CTPS2: variants seen among roughly 807,000 people sequenced by gnomAD.
The protein encoded by CTPS2 is CTP synthase II.
In CTPS2, 19 loss-of-function variants were observed where a neutral mutation model predicts 46.8. That is an observed-to-expected ratio of 0.41 (90% CI 0.28 to 0.60). The LOEUF (loss-of-function observed/expected upper bound fraction) is 0.60. CTPS2 is among the 20% of genes least tolerant of loss of function. The pLI is 0.35. For synonymous variants in CTPS2, 151 were observed against 165.2 expected (o/e 0.91, Z 0.66); for missense variants, 286 against 447.6 (o/e 0.64, Z 3.26).
Position 16,664,591 on chromosome X carries a change from G to A in CTPS2, c.1296+2923C>T, listed in dbSNP as rs764480164. Among the ~76,000 whole-genome samples the A allele has an allele frequency of 3.6e-5, 4 of 111,799 alleles. No individual in the cohort carries two copies. In the South Asian group the frequency reaches 1.5e-3, roughly 42 times the overall value. On this transcript the variant is annotated intron_variant, in intron 13 of 18. Transcript: ENST00000359276. ...GGGAAGTGGATGACAAAGACATACAGCTTTACTTATATGTAAAAAATGGGA... is the reference window on the plus strand; with the variant it reads ...GGGAAGTGGATGACAAAGACATACAACTTTACTTATATGTAAAAAATGGGA...
rs141137125 is a variant in CTPS2, at chrX:16,658,520, C to A, written c.1296+8994G>T. On this transcript the variant is annotated intron_variant, in intron 13 of 18. Coordinates refer to ENST00000359276, the MANE Select transcript of CTPS2 (RefSeq NM_175859.3). ...ATGTAATGAGTACCTATTCATATTT[C>A]TGTCAACATTTCTGATTTCCTTAGG... 5.7e-3 allele frequency among the ~76,000 whole-genome samples: 639 copies of A among 112,107 alleles called. 6 individuals are homozygous for A. Among genetic ancestry groups the A allele is most frequent in the African/African-American group, 0.02 (620 of 30,890 alleles).
intron 8 of CTPS2, among the ~76,000 whole-genome samples, chrX:16,687,372 C>T (rs920158548): frequency 2.0e-5 from 2 of 102,356 alleles, no homozygotes; most frequent in Non-Finnish European, 4.0e-5. Flanking sequence ...CTACTGGGGA[C>T]GCTGAGGCAG....
intron 13 of CTPS2, among the ~76,000 whole-genome samples, chrX:16,647,255 CTTTTTTTT>C (rs746634342): frequency 2.7e-3 from 107 of 39,753 alleles, no homozygotes; most frequent in African/African-American, 9.0e-3. Context: ...TGGGCCCATT[CTTTTTTTT>C]TTTTTTTTTT....
At chrX:16,683,673 A>G (rs1303045393) in intron 8 of CTPS2, among the ~76,000 whole-genome samples, 4 of 112,392 alleles carry the variant, frequency 3.6e-5, no homozygotes, top group Non-Finnish European at 7.5e-5. Context: ...TATCAGAGAA[A>G]AAGTTAAAAG....
At chrX:16,599,467 C>CTTTTTTTT (rs1009319649) in intron 17 of CTPS2, among the ~76,000 whole-genome samples, 29 of 94,536 alleles carry the variant, frequency 3.1e-4, no homozygotes, top group African/African-American at 1.2e-3. Flanking sequence ...TTTTCTTTTT[C>CTTTTTTTT]TTTTTTTTCT....
At chrX:16,623,761 G>C (rs992490643) in intron 14 of CTPS2, among the ~76,000 whole-genome samples, 1 of 99,022 alleles carries the variant, frequency 1.0e-5, no homozygotes, top group Admixed American at 1.1e-4. Flanking sequence ...CCTTCCTTTC[G>C]GGTATATACC....
intron 2 of CTPS2, among the ~76,000 whole-genome samples, chrX:16,699,985 T>A (rs1160044875): frequency 9.3e-6 from 1 of 108,081 alleles, no homozygotes; most frequent in East Asian, 2.9e-4. Flanking sequence ...CAGGCTGGAG[T>A]GCAGTGGCGT....
chrX:16,678,157 C>A (rs1031403945), intron 10 of CTPS2, among the ~76,000 whole-genome samples: 1 of 112,120 alleles, frequency 8.9e-6, no homozygotes, highest in Non-Finnish European at 1.9e-5. Flanking sequence ...CAAATAAAAC[C>A]ATTTCTATGC....
At chrX:16,693,033 G>A in intron 6 of CTPS2, 108 bp downstream of exon 6, 2 of 576,474 alleles carry the variant, frequency 3.5e-6, no homozygotes, top group Admixed American at 2.9e-5. Context: ...CTCCAGCCTG[G>A]GTGACAGAGC....
At chrX:16,597,765 A>C (rs555322070) in intron 17 of CTPS2, among the ~76,000 whole-genome samples, 1,326 of 110,317 alleles carry the variant, frequency 0.012, 18 homozygotes, top group African/African-American at 0.041. Flanking sequence ...ATGGCATTGA[A>C]TCTATAAATT....
chrX:16,660,360 G>A (rs1932916852), intron 13 of CTPS2, among the ~76,000 whole-genome samples: 1 of 109,822 alleles, frequency 9.1e-6, no homozygotes, highest in Non-Finnish European at 1.9e-5. Context: ...GGGACTACAG[G>A]TACACACCAC....
At chrX:16,594,701 A>G (rs1200437024) in intron 17 of CTPS2, among the ~76,000 whole-genome samples, 1 of 112,047 alleles carries the variant, frequency 8.9e-6, no homozygotes, top group Admixed American at 9.5e-5. Context: ...AGCTCTGCCA[A>G]CACATCCAAA....
chrX:16,690,856 C>G (rs757559597), intron 7 of CTPS2, among the ~76,000 whole-genome samples: 1 of 112,623 alleles, frequency 8.9e-6, no homozygotes, highest in Non-Finnish European at 1.9e-5. Flanking sequence ...GTCAGAAGAG[C>G]TAGTGCGAAT....
At chrX:16,615,917 C>A (rs1930505518) in intron 16 of CTPS2, among the ~76,000 whole-genome samples, 1 of 112,267 alleles carries the variant, frequency 8.9e-6, no homozygotes, top group South Asian at 3.7e-4. Context: ...ACCTTTCTAC[C>A]CCTAAACTGT....
chrX:16,616,987 G>A (rs1282010063), intron 16 of CTPS2, among the ~76,000 whole-genome samples, 163 bp downstream of exon 16: 2 of 112,027 alleles, frequency 1.8e-5, no homozygotes, highest in Admixed American at 1.9e-4. Flanking sequence ...GAGCCACCAT[G>A]CCCAGCCAGC....
chrX:16,593,661 T>C (rs1320267207), intron 17 of CTPS2, among the ~76,000 whole-genome samples: 1 of 104,972 alleles, frequency 9.5e-6, no homozygotes, highest in Non-Finnish European at 2.0e-5. Flanking sequence ...CTTCTCTGGC[T>C]TTTGAACAAA....
intron 13 of CTPS2, among the ~76,000 whole-genome samples, chrX:16,647,563 C>A (rs370919619): frequency 9.1e-6 from 1 of 109,372 alleles, no homozygotes; most frequent in Non-Finnish European, 1.9e-5. Context: ...CCACCGTGCC[C>A]GGCCGCATTG....
chrX:16,597,401 C>T (rs1462403395), intron 17 of CTPS2, among the ~76,000 whole-genome samples: 1 of 111,976 alleles, frequency 8.9e-6, no homozygotes, highest in Admixed American at 9.5e-5. Flanking sequence ...CAGTTTCAGC[C>T]TTTTACATAT....
chrX:16,656,709 C>T (rs915070242), intron 13 of CTPS2, among the ~76,000 whole-genome samples: 1 of 111,528 alleles, frequency 9.0e-6, no homozygotes, highest in Non-Finnish European at 1.9e-5. Context: ...CCACCATGCC[C>T]GGCCCATTTC....
Sources: gnomAD v4.1 joint callset for allele counts (sites outside exome capture counted in the v4.1 genomes callset) on GRCh38, gnomAD v4.1.1 for gene constraint, MANE v1.5 for transcripts, NCBI Gene and HGNC (gene_info 2026-07-23, HGNC 2026-07-21) for gene names.